Variants in UHRF2 observed in about 807,000 individuals in gnomAD.
UHRF2 encodes ubiquitin like with PHD and ring finger domains 2.
In UHRF2, 23 loss-of-function variants were observed where a neutral mutation model predicts 96.8. The observed-to-expected ratio is 0.24, with a 90% CI of 0.17 to 0.34. UHRF2 has a LOEUF of 0.34. UHRF2 is among the 10% of genes least tolerant of loss of function. The probability of loss-of-function intolerance (pLI) is 1.00; values close to 1 mark genes in which losing one functional copy is unlikely to be tolerated. For synonymous variants in UHRF2, 385 were observed against 332.6 expected (o/e 1.16, Z -1.72); for missense variants, 685 against 981.5 (o/e 0.70, Z 4.04).
At chr9:6,441,853 C>A (rs915217321) in intron 3 of UHRF2, among the ~76,000 whole-genome samples, 1 of 151,870 alleles carries the variant, frequency 6.6e-6, no homozygotes, top group African/African-American at 2.4e-5. Context: ...GGGACCATTT[C>A]TCCACTATAC....
In UHRF2 at chr9:6,486,883, G is replaced by C; in HGVS notation, c.1455G>C (p.Gly485=). 1 of 1,614,082 alleles carries C rather than the reference G, an allele frequency of 6.2e-7. No homozygotes were observed. The highest frequency in any genetic ancestry group is 1.7e-5 in the Admixed American group (1 of 60,002). ...GAATTCATGGTCGAAGTAATGATGGGGCTTATTCTCTTGTACTGGCTGGTG... is the reference window on the plus strand; with the variant it reads ...GAATTCATGGTCGAAGTAATGATGGCGCTTATTCTCTTGTACTGGCTGGTG... ...VGGIHGRSND[G]AYSLVLAGGF... is the part of the protein sequence containing the mutation. The change falls in exon 9 of 16, where the codon GGG becomes GGC. Residue 485 remains glycine (G), a synonymous_variant. Coordinates refer to ENST00000276893, the MANE Select transcript of UHRF2 (RefSeq NM_152896.3).
intron 2 of UHRF2, chr9:6,422,603 A>G: frequency 3.3e-6 from 2 of 599,968 alleles, no homozygotes; most frequent in Middle Eastern, 3.2e-4. Flanking sequence ...TGACTTCTCC[A>G]TTAACTTAGA....
At chr9:6,486,061 A>G (rs73639306) in intron 8 of UHRF2, among the ~76,000 whole-genome samples, 2,888 of 152,252 alleles carry the variant, frequency 0.019, 105 homozygotes, top group African/African-American at 0.064. Context: ...GCTAGGAAAA[A>G]TAGATAGGAG....
chr9:6,455,075 T>C (rs1822097794), intron 3 of UHRF2, among the ~76,000 whole-genome samples: 1 of 152,226 alleles, frequency 6.6e-6, no homozygotes, highest in South Asian at 2.1e-4. Context: ...AAGAACCAGA[T>C]GTTACTCATT....
intron 2 of UHRF2, among the ~76,000 whole-genome samples, chr9:6,424,222 A>G (rs770553014): frequency 1.3e-5 from 2 of 152,232 alleles, no homozygotes; most frequent in African/African-American, 2.4e-5. Flanking sequence ...AGCAGTCACT[A>G]AAGTGGCTAT....
intron 10 of UHRF2, chr9:6,495,561 G>C (rs1034855106): frequency 6.6e-6 from 1 of 152,168 alleles, no homozygotes; most frequent in African/African-American, 2.4e-5. Context: ...TCTTGCTTCT[G>C]AGTTTATTCC....
chr9:6,413,424 CGGGCG>C lies in UHRF2; in HGVS notation c.-61_-57del. The C allele has an allele frequency of 7.7e-7, 1 of 1,306,374 alleles. No homozygotes were observed. Among genetic ancestry groups the C allele is most frequent in the Non-Finnish European group, 9.8e-7 (1 of 1,015,298 alleles). The allele number at this position is 1,306,374 out of a possible 1,614,324, so 80.9% of individuals were successfully genotyped here. A position where few individuals can be genotyped will look rare whatever the true frequency, so the allele number is the denominator to read the frequency against. Reference sequence around the variant, plus strand: ...GAGCCGCAGGGAAAGCGGCGCGGGCCGGGCGGGGCGCGGCGCCCAGAGCTCAGGGG... The same window carrying C: ...GAGCCGCAGGGAAAGCGGCGCGGGCCGGGCGCGGCGCCCAGAGCTCAGGGG... On this transcript the variant is annotated 5_prime_UTR_variant, in exon 1 of 16. Transcript: ENST00000276893.
chr9:6,442,477 G>T (rs1411573648), intron 3 of UHRF2, among the ~76,000 whole-genome samples: 1 of 11,882 alleles, frequency 8.4e-5, no homozygotes, highest in Non-Finnish European at 1.1e-3. Flanking sequence ...GTTTTGTTTT[G>T]TTTGTTTTGT....
chr9:6,413,722 C>A, intron 1 of UHRF2, 79 bp downstream of exon 1: 2 of 1,340,734 alleles, frequency 1.5e-6, no homozygotes, highest in Non-Finnish European at 1.9e-6. Context: ...GGTCCGAGGG[C>A]TCTGTGCGCC....
At chr9:6,455,211 C>T (rs917456960) in intron 3 of UHRF2, among the ~76,000 whole-genome samples, 2 of 152,164 alleles carry the variant, frequency 1.3e-5, no homozygotes, top group African/African-American at 2.4e-5. Flanking sequence ...CATATGCATA[C>T]ATGTGCCATG....
At chr9:6,486,685 A>G (rs1434479535) in intron 8 of UHRF2, 136 bp from the exon 9 acceptor site, 4 of 743,618 alleles carry the variant, frequency 5.4e-6, no homozygotes, top group Non-Finnish European at 8.5e-6. Flanking sequence ...GAGATTTAAA[A>G]TGAGAGAGCA....
At chr9:6,486,465 A>G (rs1824295862) in intron 8 of UHRF2, among the ~76,000 whole-genome samples, 1 of 152,240 alleles carries the variant, frequency 6.6e-6, no homozygotes, top group Non-Finnish European at 1.5e-5. Flanking sequence ...GAGAAACGGT[A>G]TAGACTGCTG....
intron 3 of UHRF2, among the ~76,000 whole-genome samples, chr9:6,443,126 A>G (rs1369650083): frequency 1.3e-5 from 2 of 152,218 alleles, no homozygotes; most frequent in African/African-American, 2.4e-5. Flanking sequence ...GAAAGTTAAT[A>G]TGTCTGTATC....
chr9:6,458,268 C>A (rs969852383), intron 3 of UHRF2, among the ~76,000 whole-genome samples: 5 of 152,072 alleles, frequency 3.3e-5, no homozygotes, highest in Admixed American at 6.5e-5. Context: ...TACATTTCTT[C>A]TAGATTTTCT....
At chr9:6,501,437 C>T (rs1199781858) in intron 14 of UHRF2, among the ~76,000 whole-genome samples, 1 of 152,066 alleles carries the variant, frequency 6.6e-6, no homozygotes, top group African/African-American at 2.4e-5. Context: ...TTGATGTGCC[C>T]CCATGTCTGT....
Position 6,500,818 on chromosome 9 carries a change from C to A in UHRF2, c.2163+109C>A, listed in dbSNP as rs549536907. 15 of 1,072,390 alleles carry A rather than the reference C, an allele frequency of 1.4e-5. 1 individual carries two copies. Among genetic ancestry groups the A allele is most frequent in the South Asian group, 1.3e-4 (7 of 55,640 alleles). 66.4% of individuals were successfully genotyped at this position (1,072,390 alleles called of 1,614,324 possible). On this transcript the variant is annotated intron_variant, in intron 14 of 15. Coordinates refer to ENST00000276893, the MANE Select transcript of UHRF2 (RefSeq NM_152896.3). ...TCAGTCAAAACTTCATCCTTCTACC[C>A]GGTTTTCTAATCCAGTGCCACTACC...
In UHRF2 at chr9:6,462,011, TAAGAG is replaced by T. The variant is rs542808142; in HGVS notation, c.863+1223_863+1227del. ...ATTTTTGTTTTTAAAAAAAAAAAAA[TAAGAG>T]AAACAGCTAAACGAATATTTGTGTC... On this transcript the variant is annotated intron_variant, in intron 4 of 15. Transcript: ENST00000276893. Among the ~76,000 whole-genome samples the T allele has an allele frequency of 4.6e-3, 692 of 150,814 alleles. 6 individuals carry two copies. The highest frequency in any genetic ancestry group is 5.8e-3 in the Non-Finnish European group (391 of 67,692).
intron 9 of UHRF2, among the ~76,000 whole-genome samples, chr9:6,487,768 C>T (rs1450042565): frequency 6.6e-6 from 1 of 152,212 alleles, no homozygotes; most frequent in African/African-American, 2.4e-5. Context: ...TCCCAAACTG[C>T]TGGGATTATA....
At position 6,461,069 on chromosome 9, in the gene UHRF2, T is replaced by C. The variant is rs145494341; in HGVS notation, c.863+278T>C. On this transcript the variant is annotated intron_variant, in intron 4 of 15. Transcript: ENST00000276893. ...TTCTTACTTCCTCATAGGATTCTTA[T>C]AGATTGAACAAAACAATATATAAAA... Among the ~76,000 whole-genome samples the C allele has an allele frequency of 9.8e-5, 15 of 152,354 alleles. No individual in the cohort carries two copies. The East Asian group carries it at 1.9e-3, about 20-fold the overall frequency.
Sources: allele counts gnomAD v4.1 joint callset (sites outside exome capture counted in the v4.1 genomes callset), GRCh38; gene constraint gnomAD v4.1.1; transcripts MANE v1.5; gene names NCBI Gene and HGNC (gene_info 2026-07-23, HGNC 2026-07-21).